Variants in SRGAP3 observed in about 807,000 individuals in gnomAD.
SRGAP3 encodes SLIT-ROBO Rho GTPase-activating protein 3.
In SRGAP3, 39 loss-of-function variants were observed where a neutral mutation model predicts 121.1. The ratio of observed to expected loss-of-function variants is 0.32; its 90% CI spans 0.25 to 0.42. SRGAP3 has a LOEUF of 0.42. Among genes scored for constraint, SRGAP3 ranks in the 10% least tolerant of loss-of-function variants. SRGAP3 has a pLI of 1.00. For synonymous variants in SRGAP3, 601 were observed against 570.0 expected, an observed-to-expected ratio of 1.05 and a Z score of -0.77; for missense variants, 1,213 against 1,470.6, an observed-to-expected ratio of 0.82 and a Z score of 2.86.
chr3:9,118,700 C>CG (rs928999357), intron 2 of SRGAP3, among the ~76,000 whole-genome samples: 12 of 152,164 alleles, frequency 7.9e-5, no homozygotes, highest in African/African-American at 2.9e-4. Context: ...GGCCCCCCCC[C>CG]CAAGAAGTTC....
intron 15 of SRGAP3, among the ~76,000 whole-genome samples, chr3:9,015,246 C>T (rs1057089708): frequency 1.4e-5 from 2 of 147,000 alleles, no homozygotes; most frequent in Non-Finnish European, 2.9e-5. Context: ...GCTGGGACAC[C>T]CTCTTGGCTG....
At chr3:9,352,703 C>G (rs145079943) in intron 1 of SRGAP3, among the ~76,000 whole-genome samples, 19 of 152,330 alleles carry the variant, frequency 1.2e-4, no homozygotes, top group Admixed American at 2.6e-4. Flanking sequence ...AGCTCTGCAG[C>G]TGGGGTCAGG....
intron 9 of SRGAP3, chr3:9,049,165 C>A (rs895906956): frequency 9.4e-6 from 3 of 319,042 alleles, no homozygotes; most frequent in African/African-American, 6.5e-5. Flanking sequence ...CCTCTAACAT[C>A]ACCACCTTCC....
chr3:9,003,488 A>AAACAAACG (rs1466010400), intron 18 of SRGAP3, among the ~76,000 whole-genome samples: 1 of 151,900 alleles, frequency 6.6e-6, no homozygotes, highest in Non-Finnish European at 1.5e-5. Flanking sequence ...CAAAACAAAC[A>AAACAAACG]AACAAACAAA....
At chr3:9,029,888 T>G (rs113997109) in intron 12 of SRGAP3, among the ~76,000 whole-genome samples, 4,521 of 151,666 alleles carry the variant, frequency 0.03, 108 homozygotes, top group Non-Finnish European at 0.045. Flanking sequence ...ATGCCTGTAA[T>G]CCCAGGACTT....
At chr3:9,360,465 G>A (rs771605235) in intron 1 of SRGAP3, among the ~76,000 whole-genome samples, 11 of 152,222 alleles carry the variant, frequency 7.2e-5, no homozygotes, top group Non-Finnish European at 1.3e-4. Context: ...TGTGTTCTAT[G>A]TTTAATTTTT....
intron 3 of SRGAP3, among the ~76,000 whole-genome samples, chr3:9,276,913 G>A (rs745874250): frequency 3.3e-5 from 5 of 152,184 alleles, no homozygotes; most frequent in East Asian, 3.9e-4. Flanking sequence ...CTTACCCTGC[G>A]CTCAGCACTG....
chr3:9,047,620 C>T, intron 9 of SRGAP3, 145 bp from the exon 10 acceptor site: 1 of 776,972 alleles, frequency 1.3e-6, no homozygotes, highest in South Asian at 1.5e-5. Flanking sequence ...AGAGAGGCCT[C>T]TGCATCTGCG....
Position 9,334,769 on chromosome 3 carries a change from G to T in SRGAP3, n.215-4173C>A, listed in dbSNP as rs76183457. Reference sequence around the variant, plus strand: ...AAGAAAAAAGCACTGAACCAAAAGTGAAAAGTGATAGGATGAGAAATCGTG... The same window carrying T: ...AAGAAAAAAGCACTGAACCAAAAGTTAAAAGTGATAGGATGAGAAATCGTG... On this transcript the variant is annotated intron_variant and non_coding_transcript_variant, in intron 1 of 3. Coordinates refer to the SRGAP3 transcript ENST00000490889. Among the ~76,000 whole-genome samples the T allele has an allele frequency of 9.6e-3, 1,459 of 152,308 alleles. 29 individuals carry two copies. The highest frequency in any genetic ancestry group is 0.033 in the African/African-American group (1,376 of 41,552).
rs187978625 is a variant in SRGAP3, at chr3:9,296,816, G to A, written n.442+29194C>T. On this transcript the variant is annotated intron_variant and non_coding_transcript_variant, in intron 3 of 3. Coordinates refer to the SRGAP3 transcript ENST00000490889. ...CAGCACACATCCCTGAAGTATTAGT[G>A]ATTATTATCATCCCCTATTATGGAA... 1.8e-3 allele frequency among the ~76,000 whole-genome samples: 267 copies of A among 152,272 alleles called. 1 individual carries two copies. The highest frequency in any genetic ancestry group is 0.014 in the South Asian group (66 of 4,822).
rs1432200758 is a variant in SRGAP3, at chr3:9,139,747, TAC to T, written c.68-14832_68-14831del. Among the ~76,000 whole-genome samples the T allele has an allele frequency of 2.6e-5, 4 of 152,226 alleles. No individual in the cohort carries two copies. The East Asian group carries it at 7.7e-4, about 29-fold the overall frequency. ...CGCCACTCTGAAATCTCTGAAGAAT[TAC>T]AGAGTACAGTCTAAAGCTCTGAAGA... On this transcript the variant is annotated intron_variant, in intron 1 of 21. Transcript: ENST00000383836.
intron 17 of SRGAP3, among the ~76,000 whole-genome samples, chr3:9,012,012 A>G (rs1488582517): frequency 2.0e-5 from 3 of 152,240 alleles, no homozygotes; most frequent in African/African-American, 7.2e-5. Flanking sequence ...AAACTGTGTG[A>G]AAATTCTCTT....
At chr3:9,002,694 T>C (rs938779586) in intron 18 of SRGAP3, among the ~76,000 whole-genome samples, 11 of 151,916 alleles carry the variant, frequency 7.2e-5, no homozygotes, top group African/African-American at 2.7e-4. Flanking sequence ...AGCCATTAGC[T>C]AAATAAACCA....
intron 1 of SRGAP3, among the ~76,000 whole-genome samples, chr3:9,198,682 A>G (rs968151584): frequency 2.0e-5 from 3 of 152,244 alleles, no homozygotes; most frequent in African/African-American, 7.2e-5. Context: ...AGCACCTGGC[A>G]TTGTGTCTAG....
chr3:9,319,003 G>C (rs1241576701), intron 3 of SRGAP3, among the ~76,000 whole-genome samples: 2 of 151,880 alleles, frequency 1.3e-5, no homozygotes, highest in Non-Finnish European at 2.9e-5. Flanking sequence ...TTGCCTGCTT[G>C]AGGGGACAAA....
chr3:9,308,219 C>A (rs372931563), intron 3 of SRGAP3, among the ~76,000 whole-genome samples: 1 of 152,224 alleles, frequency 6.6e-6, no homozygotes, highest in African/African-American at 2.4e-5. Context: ...TGAGGGACAA[C>A]TGAAGCATGT....
chr3:9,120,110 T>C (rs1272391431), intron 2 of SRGAP3, among the ~76,000 whole-genome samples: 1 of 152,250 alleles, frequency 6.6e-6, no homozygotes, highest in Admixed American at 6.5e-5. Flanking sequence ...CTTTTTAATG[T>C]TTTATTCTTC....
At chr3:9,262,206 G>A (rs1954269205) in intron 3 of SRGAP3, among the ~76,000 whole-genome samples, 1 of 151,994 alleles carries the variant, frequency 6.6e-6, no homozygotes. Context: ...AGTTCCTGAA[G>A]AAAACACTAA....
chr3:9,229,850 C>T (rs908571492), intron 1 of SRGAP3, among the ~76,000 whole-genome samples: 3 of 152,244 alleles, frequency 2.0e-5, no homozygotes, highest in Non-Finnish European at 4.4e-5. Flanking sequence ...CTGCTAAGCG[C>T]TCTGCTTCCT....
Sources: allele counts gnomAD v4.1 joint callset (sites outside exome capture counted in the v4.1 genomes callset), GRCh38; gene constraint gnomAD v4.1.1; transcripts MANE v1.5; gene names NCBI Gene and HGNC (gene_info 2026-07-23, HGNC 2026-07-21).